The following MIDEAS variants were observed in gnomAD, a reference collection of about 807,000 sequenced individuals.
The protein encoded by MIDEAS is mitotic deacetylase associated SANT domain protein, also known as mitotic deacetylase-associated SANT domain protein.
In MIDEAS, 26 loss-of-function variants were observed where a neutral mutation model predicts 102.7. The ratio of observed to expected loss-of-function variants is 0.25; its 90% confidence interval spans 0.19 to 0.35. The LOEUF is 0.35. Among genes scored for constraint, MIDEAS ranks in the 10% least tolerant of loss-of-function variants. The pLI, the probability that MIDEAS is intolerant of heterozygous loss-of-function variation, is 1.00. For missense variants in MIDEAS, 1,231 were observed against 1,435.6 expected (o/e 0.86, Z 2.30); for synonymous variants, 585 against 591.0 (o/e 0.99, Z 0.15).
In MIDEAS at chr14:73,738,793, C is replaced by G; in HGVS notation, c.1216G>C (p.Glu406Gln). 1 of 1,578,736 alleles carries G rather than the reference C, an allele frequency of 6.3e-7. No individual in the cohort carries two copies. Among genetic ancestry groups the G allele is most frequent in the South Asian group, 1.2e-5 (1 of 86,744 alleles). Residue 406 changes from glutamate (E) to glutamine (Q), a missense_variant, in exon 2 of 13, where the codon GAG (glutamate) becomes CAG (glutamine). This residue lies in a region of MIDEAS where 758 missense variants were observed against 856.0 expected (regional missense o/e 0.89). Transcript: ENST00000423556. ...EALGFPLELR[E>Q]SQLLPDGERL... is the part of the protein sequence containing the mutation. Reference sequence around the variant, plus strand: ...TCCCCATCAGGCAGTAGCTGCGACTCCCTCAGCTCCAGCGGGAATCCCAGA... The same window carrying G: ...TCCCCATCAGGCAGTAGCTGCGACTGCCTCAGCTCCAGCGGGAATCCCAGA...
intron 1 of MIDEAS, among the ~76,000 whole-genome samples, chr14:73,774,021 CAAAAAAAA>C (rs11322935): frequency 1.8e-5 from 2 of 113,038 alleles, no homozygotes; most frequent in African/African-American, 6.7e-5. Context: ...GACTGAATCT[CAAAAAAAA>C]AAAAAAAAAG....
intron 10 of MIDEAS, 82 bp downstream of exon 10, chr14:73,722,616 A>AGGTCGG: frequency 6.5e-7 from 1 of 1,536,672 alleles, no homozygotes; most frequent in Admixed American, 1.9e-5. Context: ...GCTCCTGGAG[A>AGGTCGG]GCTCGGGCTC....
intron 11 of MIDEAS, among the ~76,000 whole-genome samples, chr14:73,720,926 T>C (rs960833486): frequency 2.0e-5 from 3 of 152,346 alleles, no homozygotes; most frequent in Non-Finnish European, 1.5e-5. Flanking sequence ...AGGGGAGCCC[T>C]GTCTGCAAAC....
At chr14:73,770,346 GTGA>G (rs756368004) in intron 1 of MIDEAS, among the ~76,000 whole-genome samples, 270 of 144,826 alleles carry the variant, frequency 1.9e-3, no homozygotes, top group Admixed American at 4.1e-3. Flanking sequence ...AGTAACGACG[GTGA>G]TGATGATGAT....
chr14:73,760,753 G>A (rs1456898599), upstream of MIDEAS, among the ~76,000 whole-genome samples: 1 of 152,180 alleles, frequency 6.6e-6, no homozygotes, highest in African/African-American at 2.4e-5. This position sits in a 1 kb window ranked among gnomAD's most constrained non-coding sequence, Gnocchi z 4.8. Context: ...AAAGGTTATT[G>A]AGAAACTGGC....
At chr14:73,776,144 C>T (rs1391938074) in intron 1 of MIDEAS, among the ~76,000 whole-genome samples, 2 of 151,990 alleles carry the variant, frequency 1.3e-5, no homozygotes, top group African/African-American at 4.8e-5. Context: ...GCTGTAACTG[C>T]CTGTTGGAGA....
At chr14:73,785,643 G>A (rs962759875) in intron 1 of MIDEAS, among the ~76,000 whole-genome samples, 1 of 152,282 alleles carries the variant, frequency 6.6e-6, no homozygotes, top group Non-Finnish European at 1.5e-5. Flanking sequence ...CCAGCCACCC[G>A]TGCAATTTTG....
chr14:73,730,066 T>G (rs760418849), intron 3 of MIDEAS, 81 bp from the exon 4 acceptor site: 2 of 1,422,308 alleles, frequency 1.4e-6, no homozygotes, highest in African/African-American at 2.8e-5. Flanking sequence ...CTTGCCAGTC[T>G]CACCTTTGGA....
intron 1 of MIDEAS, among the ~76,000 whole-genome samples, chr14:73,773,655 A>T (rs1161399598): frequency 1.3e-5 from 2 of 151,944 alleles, no homozygotes; most frequent in African/African-American, 4.8e-5. Context: ...TGTGCTCACC[A>T]GTGGTCCCAC....
At position 73,719,466 on chromosome 14, in the gene MIDEAS, G is replaced by A. The variant is rs746030654; in HGVS notation, c.2973C>T (p.Ser991=). The A allele has an allele frequency of 1.2e-6, 2 of 1,613,968 alleles. No homozygotes were observed. Among genetic ancestry groups the A allele is most frequent in the East Asian group, 2.2e-5 (1 of 44,850 alleles). ...GGCCACCGGCAGACCCAGGGGCGTTGGACTCGTGGCTCCGGAGGATGAGGA... is the reference window on the plus strand; with the variant it reads ...GGCCACCGGCAGACCCAGGGGCGTTAGACTCGTGGCTCCGGAGGATGAGGA... ...SDILILRSHE[S]NAPGSAGGQA... is the part of the protein sequence containing the mutation. The change falls in exon 12 of 13, where the codon TCC becomes TCT. Residue 991 remains serine (S), a synonymous_variant. Coordinates refer to ENST00000423556, the MANE Select transcript of MIDEAS (RefSeq NM_001367710.1).
At chr14:73,784,284 G>C (rs946429723) in intron 1 of MIDEAS, among the ~76,000 whole-genome samples, 1 of 152,250 alleles carries the variant, frequency 6.6e-6, no homozygotes, top group Non-Finnish European at 1.5e-5. Context: ...GAGGAAGTCA[G>C]GGTTATGATT....
intron 1 of MIDEAS, among the ~76,000 whole-genome samples, chr14:73,756,299 C>T (rs62006082): frequency 3.7e-4 from 26 of 70,978 alleles, no homozygotes; most frequent in African/African-American, 6.5e-4. Flanking sequence ...TGTGTGTGCG[C>T]GCGCGCGTGC....
chr14:73,786,132 C>T (rs563547188), intron 1 of MIDEAS, among the ~76,000 whole-genome samples: 1 of 152,326 alleles, frequency 6.6e-6, no homozygotes, highest in Admixed American at 6.5e-5. Flanking sequence ...ACGGCTCGGA[C>T]GCACTTTCCT....
intron 1 of MIDEAS, among the ~76,000 whole-genome samples, chr14:73,743,040 C>T (rs1487074376): frequency 6.6e-6 from 1 of 152,056 alleles, no homozygotes; most frequent in Non-Finnish European, 1.5e-5. Context: ...AAGTAAGTTG[C>T]CTACGGTCAC....
intron 1 of MIDEAS, among the ~76,000 whole-genome samples, chr14:73,771,410 C>T (rs1362337139): frequency 6.6e-6 from 1 of 152,196 alleles, no homozygotes; most frequent in African/African-American, 2.4e-5. Flanking sequence ...GGACTCTGCA[C>T]AACACCAAGG....
rs754525964 is a variant in MIDEAS at position 73,739,238 on chromosome 14, C to T, written c.771G>A (p.Gln257=). 1.2e-5 allele frequency: 19 copies of T among 1,612,482 alleles called. No homozygotes were observed. The highest frequency in any genetic ancestry group is 1.7e-5 in the Admixed American group (1 of 59,936). The part of the protein sequence containing the change: ...KQQQQQQPQQ[Q]QQQQQAALPQ... ...GTAGGGCTGCCTGCTGCTGCTGCTG[C>T]TGCTGCTGTGGTTGCTGCTGCTGCT... Residue 257 remains glutamine (Q), a synonymous_variant, in exon 2 of 13, where the codon CAG becomes CAA. Coordinates refer to ENST00000423556, the MANE Select transcript of MIDEAS (RefSeq NM_001367710.1).
In MIDEAS at chr14:73,738,643, G is replaced by A. The variant is rs1294751607; in HGVS notation, c.1366C>T (p.Arg456Trp). The A allele has an allele frequency of 1.5e-5, 24 of 1,613,378 alleles. No homozygotes were observed. The highest frequency in any genetic ancestry group is 1.9e-5 in the Non-Finnish European group (22 of 1,179,778). Residue 456 changes from arginine (R) to tryptophan (W), a missense_variant, in exon 2 of 13, where the codon CGG (arginine) becomes TGG (tryptophan). Around this residue, in one of 5 missense-constraint regions of MIDEAS, gnomAD observed 758 missense variants for 856.0 expected, o/e 0.89. Transcript: ENST00000423556. The stretch of plus-strand genomic sequence containing the variant: ...GCCTCCTGGGATGCCCGGCGCCTCC[G>A]TCGCGTGCTCTGGATCACTCCGCCC... ...LRGGVIQSTR[R>W]RRRASQEANL...
intron 7 of MIDEAS, 72 bp downstream of exon 7, chr14:73,726,532 C>T: frequency 7.0e-7 from 1 of 1,433,820 alleles, no homozygotes; most frequent in Non-Finnish European, 9.7e-7. Flanking sequence ...AGCCATAGGT[C>T]CTGAGCAGCA....
At chr14:73,721,647 A>G in intron 10 of MIDEAS, 138 bp from the exon 11 acceptor site, 1 of 708,334 alleles carries the variant, frequency 1.4e-6, no homozygotes, top group Non-Finnish European at 2.4e-6. Flanking sequence ...CTTCTGTACT[A>G]GGACTCTGGA....
Sources: allele counts gnomAD v4.1 joint callset (sites outside exome capture counted in the v4.1 genomes callset), GRCh38; gene constraint gnomAD v4.1.1; regional missense constraint gnomAD v4.1.1; non-coding constraint Gnocchi (gnomAD v3.1); transcripts MANE v1.5; gene names NCBI Gene and HGNC (gene_info 2026-07-23, HGNC 2026-07-21).